Variants in CCDC3 observed in about 807,000 individuals in gnomAD.
CCDC3 encodes coiled-coil domain containing 3, also known as coiled-coil domain-containing protein 3.
In CCDC3, 24 loss-of-function variants were observed where a neutral mutation model predicts 21.4. The observed-to-expected ratio is 1.12, with a 90% CI of 0.81 to 1.58. CCDC3 has a LOEUF of 1.58. Among genes scored for constraint, CCDC3 ranks in the 40% most tolerant of loss-of-function variants. CCDC3 has a pLI of 0.00. For synonymous variants in CCDC3, 186 were observed against 166.0 expected, an observed-to-expected ratio of 1.12 and a Z score of -0.93; for missense variants, 425 against 360.9, an observed-to-expected ratio of 1.18 and a Z score of -1.44.
At chr10:12,996,218 T>C (rs628116) in intron 2 of CCDC3, among the ~76,000 whole-genome samples, 109,398 of 152,028 alleles carry the variant, frequency 0.72, 41,557 homozygotes, top group Middle Eastern at 0.84. Flanking sequence ...AACAGGTGCT[T>C]AGAACCACAT....
chr10:13,001,739 A>T (rs1461616856), upstream of CCDC3: 6 of 337,560 alleles, frequency 1.8e-5, no homozygotes, highest in Non-Finnish European at 2.6e-5. Context: ...GCCACGCTTT[A>T]AAAGGGTCCC....
At chr10:13,027,217 G>C (rs1836234714) in intron 5 of CCDC3, among the ~76,000 whole-genome samples, 1 of 152,074 alleles carries the variant, frequency 6.6e-6, no homozygotes, top group Non-Finnish European at 1.5e-5. Flanking sequence ...AGGTCCGTAG[G>C]GGAATCTTAG....
chr10:12,993,701 C>CCCAAGT (rs377682130), intron 2 of CCDC3, among the ~76,000 whole-genome samples: 2 of 152,298 alleles, frequency 1.3e-5, no homozygotes, highest in African/African-American at 4.8e-5. Flanking sequence ...AAGATATCCC[C>CCCAAGT]CCAAGTCCTA....
At chr10:13,016,590 G>A (rs1261510932) in intron 5 of CCDC3, among the ~76,000 whole-genome samples, 5 of 151,988 alleles carry the variant, frequency 3.3e-5, no homozygotes, top group East Asian at 1.9e-4. Flanking sequence ...CTGCAGTCCC[G>A]GAGGTTGAAT....
At chr10:12,903,118 C>T (rs1468458779) in intron 2 of CCDC3, among the ~76,000 whole-genome samples, 3 of 152,138 alleles carry the variant, frequency 2.0e-5, no homozygotes, top group Admixed American at 2.0e-4. Flanking sequence ...ATAGCACAGC[C>T]ATGACCCAGG....
At chr10:13,025,674 C>G (rs950126885) in intron 5 of CCDC3, among the ~76,000 whole-genome samples, 1 of 152,156 alleles carries the variant, frequency 6.6e-6, no homozygotes, top group Non-Finnish European at 1.5e-5. Flanking sequence ...AGTTGAGTGG[C>G]CTTTTCCTAC....
In CCDC3 at chr10:12,987,969, G is replaced by A. The variant is rs1226453772; in HGVS notation, c.549+10369C>T. ...AACTGGTCTCCCTGCTTCCGCTTTT[G>A]CCCCTCAGCAATCTGTGGTTCACTC... On this transcript the variant is annotated intron_variant, in intron 2 of 2. Coordinates refer to ENST00000378825, the MANE Select transcript of CCDC3 (RefSeq NM_031455.4). Among the ~76,000 whole-genome samples, 4 of 152,146 alleles carry A rather than the reference G, an allele frequency of 2.6e-5. No individual in the cohort carries two copies. The South Asian group carries it at 8.3e-4, about 32-fold the overall frequency.
At chr10:12,991,120 G>A (rs564764599) in intron 2 of CCDC3, among the ~76,000 whole-genome samples, 1 of 152,274 alleles carries the variant, frequency 6.6e-6, no homozygotes, top group Admixed American at 6.5e-5. Context: ...AATTGTTCTA[G>A]AGCCCTTTCT....
intron 2 of CCDC3, among the ~76,000 whole-genome samples, chr10:12,950,196 G>A (rs186565983): frequency 2.0e-5 from 3 of 152,298 alleles, no homozygotes; most frequent in African/African-American, 7.2e-5. Flanking sequence ...TCCTATAGAA[G>A]CTGTTACCAG....
chr10:12,918,153 C>A (rs1389605385), intron 2 of CCDC3, among the ~76,000 whole-genome samples: 6 of 152,174 alleles, frequency 3.9e-5, no homozygotes, highest in African/African-American at 1.4e-4. Context: ...AGGATTCTTA[C>A]ATATGCTAAG....
At chr10:12,993,909 A>G (rs1835716280) in intron 2 of CCDC3, among the ~76,000 whole-genome samples, 1 of 152,182 alleles carries the variant, frequency 6.6e-6, no homozygotes, top group South Asian at 2.1e-4. Flanking sequence ...CACCCTGCAT[A>G]TGCTTTGCAA....
intron 3 of CCDC3, among the ~76,000 whole-genome samples, chr10:13,084,271 T>C (rs1239983377): frequency 6.9e-6 from 1 of 144,984 alleles, no homozygotes; most frequent in African/African-American, 2.6e-5. Context: ...TTCACCACTC[T>C]ACCTTCTTTT....
intron 2 of CCDC3, among the ~76,000 whole-genome samples, chr10:12,981,570 T>C (rs1835497464): frequency 6.6e-6 from 1 of 152,098 alleles, no homozygotes; most frequent in Non-Finnish European, 1.5e-5. Context: ...AACTTAGTTA[T>C]ACAAGAAAAG....
At chr10:13,067,186 C>G (rs561258267) in intron 4 of CCDC3, among the ~76,000 whole-genome samples, 6 of 152,238 alleles carry the variant, frequency 3.9e-5, no homozygotes, top group African/African-American at 1.2e-4. Context: ...GTGGGTTCCC[C>G]GCTCCCCTCC....
At chr10:13,022,114 T>C (rs1476175953) in intron 5 of CCDC3, among the ~76,000 whole-genome samples, 4 of 152,138 alleles carry the variant, frequency 2.6e-5, no homozygotes, top group Non-Finnish European at 5.9e-5. Context: ...CCACAAGAGA[T>C]GAGGAATGAC....
At chr10:13,022,914 C>T (rs1010826037) in intron 5 of CCDC3, among the ~76,000 whole-genome samples, 2 of 151,740 alleles carry the variant, frequency 1.3e-5, no homozygotes, top group African/African-American at 2.4e-5. Context: ...ATAGGCCAAG[C>T]CATTAATAAA....
At chr10:13,066,293 A>G (rs1347235432) in intron 4 of CCDC3, among the ~76,000 whole-genome samples, 7 of 152,164 alleles carry the variant, frequency 4.6e-5, no homozygotes, top group South Asian at 2.1e-4. Flanking sequence ...AGTAGCTGGG[A>G]CCACAGGTAT....
At chr10:12,975,092 C>T (rs922220227) in intron 2 of CCDC3, among the ~76,000 whole-genome samples, 11 of 152,312 alleles carry the variant, frequency 7.2e-5, no homozygotes, top group African/African-American at 2.2e-4. Context: ...AAACTCACGC[C>T]GCTCTAGTCA....
chr10:13,027,733 CA>C (rs1430972252), intron 5 of CCDC3, among the ~76,000 whole-genome samples: 2 of 130,668 alleles, frequency 1.5e-5, no homozygotes, highest in African/African-American at 2.7e-5. Flanking sequence ...AAAAAAAAAA[CA>C]AAAAAAAACT....
Sources: gnomAD v4.1 joint callset for allele counts (sites outside exome capture counted in the v4.1 genomes callset) on GRCh38, gnomAD v4.1.1 for gene constraint, MANE v1.5 for transcripts, NCBI Gene and HGNC (gene_info 2026-07-23, HGNC 2026-07-21) for gene names.